The following SLK variants were observed in gnomAD, a reference collection of about 807,000 sequenced individuals.
SLK encodes STE20-like serine/threonine-protein kinase.
In SLK, 67 loss-of-function variants were observed where a neutral mutation model predicts 147.7. The ratio of observed to expected loss-of-function variants is 0.45; its 90% CI spans 0.37 to 0.56. The LOEUF (loss-of-function observed/expected upper bound fraction) is 0.56. SLK is among the 20% of genes least tolerant of loss of function. The pLI is 0.00. For missense variants in SLK, 1,136 were observed against 1,438.8 expected (o/e 0.79, Z 3.41); for synonymous variants, 441 against 475.0 (o/e 0.93, Z 0.93).
chr10:103,992,737 G>GGT, intron 3 of SLK, 91 bp downstream of exon 3: 2 of 1,249,156 alleles, frequency 1.6e-6, no homozygotes, highest in Non-Finnish European at 2.2e-6. Context: ...ATTCAAATAT[G>GGT]TAAGTATCGA....
chr10:103,990,563 CT>C (rs1844078892), intron 1 of SLK, 111 bp from the exon 2 acceptor site: 5 of 588,842 alleles, frequency 8.5e-6, no homozygotes, highest in Non-Finnish European at 1.1e-5. Flanking sequence ...AAAAGACAGC[CT>C]AAACGTAAAT....
intron 1 of SLK, among the ~76,000 whole-genome samples, chr10:103,987,208 A>T (rs1844029578): frequency 1.3e-5 from 2 of 152,028 alleles, no homozygotes; most frequent in Non-Finnish European, 2.9e-5. Context: ...TTTATATTAA[A>T]CCAAATGATA....
intron 12 of SLK, 54 bp from the exon 13 acceptor site, chr10:104,010,762 C>A: frequency 1.7e-6 from 2 of 1,167,384 alleles, no homozygotes; most frequent in South Asian, 1.8e-5. Flanking sequence ...CTCATAAATG[C>A]TTGCTGTGGA....
chr10:103,975,366 A>G (rs905120077), intron 1 of SLK, among the ~76,000 whole-genome samples: 6 of 152,122 alleles, frequency 3.9e-5, no homozygotes, highest in Non-Finnish European at 7.4e-5. Context: ...TACCAGTTGC[A>G]TAGGCCAGAG....
In SLK at chr10:104,002,830, C is replaced by T. The variant is rs1418335083; in HGVS notation, c.1652C>T (p.Thr551Ile). The part of the protein sequence containing the change: ...VISNTSDVIG[T>I]CEAADVAQKV... ...AGCAATACAAGTGATGTGATAGGAA[C>T]ATGTGAGGCAGCAGATGTGGCTCAG... The change falls in exon 9 of 19, where the codon ACA becomes ATA. Residue 551 changes from threonine to isoleucine, a missense_variant. By Grantham distance (89) the Thr-to-Ile change is moderately conservative. Around this residue, in one of 6 missense-constraint regions of SLK, gnomAD observed 516 missense variants for 531.3 expected, o/e 0.97. Coordinates refer to ENST00000369755, the MANE Select transcript of SLK (RefSeq NM_014720.4). 6 of 1,613,980 alleles carry T rather than the reference C, an allele frequency of 3.7e-6. No homozygotes were observed. The highest frequency in any genetic ancestry group is 4.5e-5 in the East Asian group (2 of 44,878).
chr10:104,010,943 A>G, intron 13 of SLK, 35 bp downstream of exon 13: 1 of 1,366,820 alleles, frequency 7.3e-7, no homozygotes, highest in Non-Finnish European at 1.0e-6. Context: ...TAAAACCAGA[A>G]AGCACCATTT....
At position 104,005,996 on chromosome 10, in the gene SLK, A is replaced by G; in HGVS notation, c.2565A>G (p.Gln855=). 1 of 1,612,800 alleles carries G rather than the reference A, an allele frequency of 6.2e-7. No individual in the cohort carries two copies. The highest frequency in any genetic ancestry group is 8.5e-7 in the Non-Finnish European group (1 of 1,179,664). Residue 855 remains glutamine (Q), a synonymous_variant, in exon 11 of 19, where the codon CAA becomes CAG. Transcript: ENST00000369755. ...AGCTCAATAGCAAACTACAGCAACA[A>G]CGAGAACAAATTTTCCGGCGCTTTG... ...QQQLNSKLQQ[Q]REQIFRRFEQ...
intron 2 of SLK, among the ~76,000 whole-genome samples, chr10:103,991,233 A>G (rs1435860356): frequency 6.6e-6 from 1 of 152,160 alleles, no homozygotes; most frequent in African/African-American, 2.4e-5. Flanking sequence ...TAAATCTTGT[A>G]ATAAACTGTA....
chr10:103,990,617 TA>T, intron 1 of SLK, 57 bp from the exon 2 acceptor site: 1 of 1,011,720 alleles, frequency 9.9e-7, no homozygotes, highest in Non-Finnish European at 1.4e-6. Context: ...ATTAAAATAA[TA>T]AAAAATTAGA....
At chr10:103,977,975 A>G (rs1433370292) in intron 1 of SLK, among the ~76,000 whole-genome samples, 1 of 152,154 alleles carries the variant, frequency 6.6e-6, no homozygotes, top group Non-Finnish European at 1.5e-5. Context: ...ACACACGTCT[A>G]TCCATCCATT....
intron 14 of SLK, among the ~76,000 whole-genome samples, chr10:104,018,556 G>A (rs1844494177): frequency 6.6e-6 from 1 of 151,930 alleles, no homozygotes; most frequent in Non-Finnish European, 1.5e-5. Context: ...ATAGGATTTT[G>A]GTGTTCGGAG....
intron 1 of SLK, among the ~76,000 whole-genome samples, chr10:103,988,721 A>G (rs1429070978): frequency 6.6e-6 from 1 of 152,206 alleles, no homozygotes; most frequent in Non-Finnish European, 1.5e-5. Context: ...TTAAATAGTA[A>G]TAGTAATTAC....
At chr10:103,997,727 C>T (rs1016526835) in intron 4 of SLK, among the ~76,000 whole-genome samples, 1 of 151,894 alleles carries the variant, frequency 6.6e-6, no homozygotes, top group Non-Finnish European at 1.5e-5. Flanking sequence ...TTTTCTGGAG[C>T]TCTGTCGCCT....
intron 4 of SLK, among the ~76,000 whole-genome samples, chr10:103,998,047 T>C (rs932649022): frequency 3.3e-5 from 5 of 152,176 alleles, no homozygotes; most frequent in Admixed American, 6.5e-5. Flanking sequence ...AACACAGATA[T>C]ATAGAACAAT....
intron 18 of SLK, among the ~76,000 whole-genome samples, chr10:104,024,143 C>G (rs542933372): frequency 7.2e-5 from 11 of 152,212 alleles, no homozygotes; most frequent in Non-Finnish European, 7.3e-5. Flanking sequence ...CTGTCACACC[C>G]TACATTCAAT....
intron 12 of SLK, among the ~76,000 whole-genome samples, chr10:104,010,445 A>G (rs1189324373): frequency 2.0e-5 from 3 of 152,218 alleles, no homozygotes; most frequent in Non-Finnish European, 2.9e-5. Flanking sequence ...AATATTTCCA[A>G]CTATGTCAAT....
Position 103,990,700 on chromosome 10 carries a change from T to C in SLK, c.176T>C (p.Leu59Ser), listed in dbSNP as rs1226416230. The stretch of plus-strand genomic sequence containing the variant: ...GCCCAGAATAAAGAGACCAGTGTTT[T>C]AGCTGCTGCAAAAGTGATTGACACT... ...YKAQNKETSV[L>S]AAAKVIDTKS... Residue 59 changes from leucine to serine, a missense_variant, in exon 2 of 19, where the codon TTA becomes TCA. This residue lies in a region of SLK where 126 missense variants were observed against 141.3 expected (regional missense o/e 0.89). Transcript: ENST00000369755. 1 of 1,568,412 alleles carries C rather than the reference T, an allele frequency of 6.4e-7. No homozygotes were observed. Among genetic ancestry groups the C allele is most frequent in the East Asian group, 2.4e-5 (1 of 41,276 alleles).
In SLK at chr10:104,011,010, T is replaced by C. The variant is rs796957849; in HGVS notation, c.2877+102T>C. 5.3e-6 allele frequency: 3 copies of C among 570,022 alleles called. No homozygotes were observed. The African/African-American group carries it at 5.8e-5, about 11-fold the overall frequency. The allele number at this position is 570,022 out of a possible 1,614,324, so 35.3% of individuals were successfully genotyped here. ...GTAAATTTTAAGTGTTATTATTATA[T>C]GATGTTGACTTCTCCCCATTCAAAA... On this transcript the variant is annotated intron_variant, in intron 13 of 18. Coordinates refer to ENST00000369755, the MANE Select transcript of SLK (RefSeq NM_014720.4).
At chr10:103,988,876 A>G (rs1844053118) in intron 1 of SLK, among the ~76,000 whole-genome samples, 1 of 152,130 alleles carries the variant, frequency 6.6e-6, no homozygotes, top group South Asian at 2.1e-4. Flanking sequence ...TGAGGAGACT[A>G]AAAGAGGGAT....
Sources: gnomAD v4.1 joint callset for allele counts (sites outside exome capture counted in the v4.1 genomes callset) on GRCh38, gnomAD v4.1.1 for gene constraint, gnomAD v4.1.1 regional missense constraint, MANE v1.5 for transcripts, NCBI Gene and HGNC (gene_info 2026-07-23, HGNC 2026-07-21) for gene names.